Variants in BCL7C observed in about 807,000 individuals in gnomAD.
The protein encoded by BCL7C is B-cell CLL/lymphoma 7 protein family member C.
Under a neutral mutation model 26.2 loss-of-function variants are expected in BCL7C, and 8 were observed. The observed-to-expected ratio is 0.30, with a 90% CI of 0.18 to 0.55. BCL7C has a LOEUF of 0.55. BCL7C is among the 20% of genes least tolerant of loss of function. BCL7C has a pLI of 0.93. For missense variants in BCL7C, 262 were observed against 298.5 expected (o/e 0.88, Z 0.90); for synonymous variants, 90 against 116.5 (o/e 0.77, Z 1.47).
intron 5 of BCL7C, among the ~76,000 whole-genome samples, chr16:30,871,347 G>A (rs1405577469): frequency 3.9e-5 from 6 of 152,140 alleles, no homozygotes; most frequent in African/African-American, 1.4e-4. Context: ...TATACTATGG[G>A]ACAAGTGACT....
At chr16:30,864,643 T>C (rs569038346) in intron 5 of BCL7C, among the ~76,000 whole-genome samples, 1 of 152,318 alleles carries the variant, frequency 6.6e-6, no homozygotes, top group South Asian at 2.1e-4. Flanking sequence ...GTTTTGTTTT[T>C]CTTATTAATA....
At chr16:30,837,417 G>A (rs1351286140) in intron 5 of BCL7C, among the ~76,000 whole-genome samples, 3 of 152,026 alleles carry the variant, frequency 2.0e-5, no homozygotes, top group Non-Finnish European at 4.4e-5. Flanking sequence ...GTGCAATAGA[G>A]CCTCTTGCCT....
chr16:30,884,103 C>T (rs1304992924), downstream of BCL7C, among the ~76,000 whole-genome samples: 28 of 141,364 alleles, frequency 2.0e-4, no homozygotes, highest in African/African-American at 6.1e-4. Context: ...CCAGCCTGGG[C>T]GACAGAGCGA....
At chr16:30,849,151 C>G (rs1018466932) in intron 5 of BCL7C, among the ~76,000 whole-genome samples, 2 of 150,660 alleles carry the variant, frequency 1.3e-5, no homozygotes. Context: ...TGAGCCACTG[C>G]ACTCCAGCCT....
chr16:30,837,928 A>G (rs374686331), intron 5 of BCL7C, among the ~76,000 whole-genome samples: 3 of 152,160 alleles, frequency 2.0e-5, no homozygotes, highest in Non-Finnish European at 2.9e-5. Flanking sequence ...TTCCTCCTCT[A>G]TGGACTTCTC....
At chr16:30,841,953 CAAAAAAAAAAA>C (rs1183661130) in intron 5 of BCL7C, among the ~76,000 whole-genome samples, 1 of 22,234 alleles carries the variant, frequency 4.5e-5, no homozygotes, top group African/African-American at 1.8e-4. Flanking sequence ...GACTCCATCT[CAAAAAAAAAAA>C]AAAAAAAAAA....
intron 5 of BCL7C, among the ~76,000 whole-genome samples, chr16:30,844,242 C>T (rs1482056903): frequency 6.8e-6 from 1 of 147,116 alleles, no homozygotes; most frequent in Non-Finnish European, 1.5e-5. Context: ...CCCAGCTACT[C>T]GGGAGGCTGA....
chr16:30,884,281 C>A (rs1434353373), downstream of BCL7C, among the ~76,000 whole-genome samples: 1 of 151,990 alleles, frequency 6.6e-6, no homozygotes, highest in Non-Finnish European at 1.5e-5. Context: ...GAAATGGACA[C>A]CCTGTCTGGG....
At chr16:30,885,089 C>T (rs1277484175), downstream of BCL7C, among the ~76,000 whole-genome samples, 1 of 152,172 alleles carries the variant, frequency 6.6e-6, no homozygotes, top group African/African-American at 2.4e-5. Flanking sequence ...AGAATCTGTG[C>T]ATGTGTTGCT....
chr16:30,872,027 A>G (rs2054886840), intron 5 of BCL7C, among the ~76,000 whole-genome samples: 1 of 152,168 alleles, frequency 6.6e-6, no homozygotes, highest in Non-Finnish European at 1.5e-5. Context: ...CTATAATTTC[A>G]AAAATTAAGG....
chr16:30,885,536 A>G (rs1432748091), downstream of BCL7C, among the ~76,000 whole-genome samples: 3 of 151,424 alleles, frequency 2.0e-5, no homozygotes, highest in African/African-American at 7.3e-5. Flanking sequence ...CCCGAGTAGC[A>G]GGGATTACAG....
chr16:30,884,931 A>G (rs2055108367), downstream of BCL7C, among the ~76,000 whole-genome samples: 2 of 152,140 alleles, frequency 1.3e-5, no homozygotes, highest in Non-Finnish European at 2.9e-5. Flanking sequence ...ACACTGCACC[A>G]CTAACCCACA....
intron 5 of BCL7C, among the ~76,000 whole-genome samples, chr16:30,835,925 C>T (rs950882632): frequency 6.6e-6 from 1 of 151,800 alleles, no homozygotes; most frequent in Admixed American, 6.6e-5. Flanking sequence ...GGAGGCCAAA[C>T]AAAGCAGGAT....
chr16:30,844,513 T>C (rs931979147), intron 5 of BCL7C, among the ~76,000 whole-genome samples: 1 of 152,204 alleles, frequency 6.6e-6, no homozygotes, highest in African/African-American at 2.4e-5. Context: ...CCGAGATCCA[T>C]CTGACTTCTG....
intron 5 of BCL7C, among the ~76,000 whole-genome samples, chr16:30,849,893 G>A (rs1238162875): frequency 1.3e-5 from 2 of 151,448 alleles, no homozygotes; most frequent in African/African-American, 4.9e-5. Flanking sequence ...GTTTTGCCAT[G>A]TTGCCCAGGC....
downstream of BCL7C, among the ~76,000 whole-genome samples, chr16:30,886,417 A>G (rs1326103444): frequency 1.3e-5 from 2 of 152,120 alleles, no homozygotes; most frequent in African/African-American, 4.8e-5. Context: ...AGGGCTTCTG[A>G]CTTGAGTTCT....
At chr16:30,849,935 C>G (rs756694970) in intron 5 of BCL7C, among the ~76,000 whole-genome samples, 1 of 151,904 alleles carries the variant, frequency 6.6e-6, no homozygotes, top group Non-Finnish European at 1.5e-5. Flanking sequence ...AAGAAATATG[C>G]CTTCCAGGCT....
chr16:30,841,850 G>A (rs1342154177), intron 5 of BCL7C, among the ~76,000 whole-genome samples: 1 of 151,478 alleles, frequency 6.6e-6, no homozygotes, highest in Non-Finnish European at 1.5e-5. Flanking sequence ...AGCCACTCGG[G>A]AGGCTGAGGC....
At chr16:30,888,761 T>A (rs956970931) in intron 5 of BCL7C, 99 bp downstream of exon 5, 2 of 1,131,438 alleles carry the variant, frequency 1.8e-6, no homozygotes, top group Non-Finnish European at 2.6e-6. Context: ...CAGGTCTGCC[T>A]CTCCTCCAGG....
Sources: gnomAD v4.1 joint callset for allele counts (sites outside exome capture counted in the v4.1 genomes callset) on GRCh38, gnomAD v4.1.1 for gene constraint, MANE v1.5 for transcripts, NCBI Gene and HGNC (gene_info 2026-07-23, HGNC 2026-07-21) for gene names.